The following CNTRL variants were observed in gnomAD, a reference collection of about 807,000 sequenced individuals.
CNTRL encodes the protein centriolin, also known as 110 kDa centrosomal protein.
A neutral mutation model predicts 303.7 loss-of-function variants in CNTRL; 233 were observed. That is an observed-to-expected ratio of 0.77 (90% CI 0.69 to 0.86). The LOEUF is 0.86. Ranked by LOEUF, CNTRL falls within the 40% of genes least tolerant of loss-of-function variation. The pLI is 0.00. For missense variants in CNTRL, 2,524 were observed against 2,650.6 expected, an observed-to-expected ratio of 0.95 and a Z score of 1.05; for synonymous variants, 900 against 922.2, an observed-to-expected ratio of 0.98 and a Z score of 0.44.
intron 2 of CNTRL, among the ~76,000 whole-genome samples, chr9:121,085,755 G>A (rs546295651): frequency 6.6e-6 from 1 of 152,142 alleles, no homozygotes; most frequent in Non-Finnish European, 1.5e-5. Context: ...TTCCCTTTAA[G>A]GAAAGGGAAT....
At chr9:121,145,127 G>C in intron 21 of CNTRL, 117 bp from the exon 22 acceptor site, 1 of 1,279,594 alleles carries the variant, frequency 7.8e-7, no homozygotes, top group Non-Finnish European at 1.1e-6. Context: ...AAGTAATGCA[G>C]TTTCCTCACT....
At chr9:121,136,042 T>G in intron 15 of CNTRL, 60 bp downstream of exon 15, 1 of 1,357,590 alleles carries the variant, frequency 7.4e-7, no homozygotes, top group Non-Finnish European at 1.0e-6. Flanking sequence ...GATATCATCC[T>G]TCTTTTATTT....
At chr9:121,170,848 A>G (rs1020672034) in intron 39 of CNTRL, among the ~76,000 whole-genome samples, 3 of 152,218 alleles carry the variant, frequency 2.0e-5, no homozygotes, top group Non-Finnish European at 2.9e-5. Flanking sequence ...AAAACCAGGA[A>G]GCTCAATCTA....
intron 7 of CNTRL, among the ~76,000 whole-genome samples, chr9:121,105,201 A>G (rs1417259979): frequency 6.6e-6 from 1 of 152,196 alleles, no homozygotes; most frequent in Non-Finnish European, 1.5e-5. Context: ...CCTGGTTAAC[A>G]CTTGGATAGG....
Position 121,127,719 on chromosome 9 carries a change from T to G in CNTRL, c.2025+1783T>G, listed in dbSNP as rs968671390. 2.0e-5 allele frequency among the ~76,000 whole-genome samples: 3 copies of G among 152,076 alleles called. No individual in the cohort carries two copies. The South Asian group carries it at 6.2e-4, about 32-fold the overall frequency. ...TGCAGATTTGTTACATAGGTATACA[T>G]GTTTCACGTTGGTTTGCTGCACCCA... On this transcript the variant is annotated intron_variant, in intron 14 of 43. Transcript: ENST00000373855.
At chr9:121,149,408 G>T (rs147123572) in intron 24 of CNTRL, among the ~76,000 whole-genome samples, 1 of 146,422 alleles carries the variant, frequency 6.8e-6, no homozygotes, top group Non-Finnish European at 1.5e-5. Context: ...TTTGTTTTTT[G>T]TTTTTTTTTT....
intron 14 of CNTRL, among the ~76,000 whole-genome samples, chr9:121,129,326 G>A (rs1325489044): frequency 7.2e-5 from 11 of 152,130 alleles, no homozygotes; most frequent in Non-Finnish European, 1.5e-5. Flanking sequence ...TTGAGCTGTG[G>A]TTTGTAGTTC....
chr9:121,081,032 G>T (rs796885490), intron 2 of CNTRL, among the ~76,000 whole-genome samples: 3 of 152,278 alleles, frequency 2.0e-5, no homozygotes, highest in African/African-American at 7.2e-5. Context: ...ATGATCTAAC[G>T]CTAATAGACT....
intron 16 of CNTRL, among the ~76,000 whole-genome samples, chr9:121,140,214 G>T (rs1280951451): frequency 6.6e-6 from 1 of 152,130 alleles, no homozygotes; most frequent in Non-Finnish European, 1.5e-5. Flanking sequence ...ATATTTTCAG[G>T]TCCAGCATTT....
chr9:121,113,810 T>C (rs1446629817), intron 10 of CNTRL, 86 bp downstream of exon 10: 1 of 784,056 alleles, frequency 1.3e-6, no homozygotes, highest in East Asian at 3.0e-5. Flanking sequence ...AGTCTTTTAA[T>C]TGAACATGTT....
chr9:121,144,288 C>T lies in CNTRL; in HGVS notation c.3051+206C>T, dbSNP rs111300410. Among the ~76,000 whole-genome samples, 428 of 152,270 alleles carry T rather than the reference C, an allele frequency of 2.8e-3. 3 individuals are homozygous for T. Among genetic ancestry groups the T allele is most frequent in the Non-Finnish European group, 4.8e-3 (326 of 68,038 alleles). On this transcript the variant is annotated intron_variant, in intron 20 of 43. Coordinates refer to ENST00000373855, the MANE Select transcript of CNTRL (RefSeq NM_007018.6). Reference sequence around the variant, plus strand: ...GTGCTGCCATGGATACTGCGTTCTACTGAGCCCTGAAAGGAATCATCAAAT... The same window carrying T: ...GTGCTGCCATGGATACTGCGTTCTATTGAGCCCTGAAAGGAATCATCAAAT...
At chr9:121,128,977 T>C (rs1488109692) in intron 14 of CNTRL, among the ~76,000 whole-genome samples, 1 of 152,226 alleles carries the variant, frequency 6.6e-6, no homozygotes, top group Non-Finnish European at 1.5e-5. Flanking sequence ...TTCTGCAGTC[T>C]CTGTTCTGTT....
chr9:121,118,239 TA>T (rs1178654763), intron 11 of CNTRL, 106 bp from the exon 12 acceptor site: 4 of 929,046 alleles, frequency 4.3e-6, no homozygotes, highest in Non-Finnish European at 5.9e-6. Flanking sequence ...CTTTTATTTT[TA>T]AAAAACTGAT....
chr9:121,161,148 GC>G, intron 32 of CNTRL: 1 of 380,650 alleles, frequency 2.6e-6, no homozygotes, highest in African/African-American at 2.1e-5. Flanking sequence ...GTGTGTGTGC[GC>G]GCGTGCTCAC....
In CNTRL at chr9:121,115,087, G is replaced by C. The variant is rs769871349; in HGVS notation, c.1346-4G>C. Reference sequence around the variant, plus strand: ...TTATGTGAGCATGGTTTTTAAATTTGCAGCACAAACTCGACTATCAGAACT... The same window carrying C: ...TTATGTGAGCATGGTTTTTAAATTTCCAGCACAAACTCGACTATCAGAACT... On this transcript the variant is annotated splice_region_variant and splice_polypyrimidine_tract_variant and intron_variant, in intron 10 of 43. Coordinates refer to ENST00000373855, the MANE Select transcript of CNTRL (RefSeq NM_007018.6). 4 of 1,559,242 alleles carry C rather than the reference G, an allele frequency of 2.6e-6. No individual in the cohort carries two copies. The highest frequency in any genetic ancestry group is 3.5e-6 in the Non-Finnish European group (4 of 1,148,540).
chr9:121,157,573 A>C lies in CNTRL; in HGVS notation c.4469A>C (p.Asn1490Thr). ...LERRAQETAV[N>T]LVKADQQLRS... is the part of the protein sequence containing the mutation. Reference sequence around the variant, plus strand: ...AGGAGAGCTCAGGAAACTGCTGTTAACCTCGTCAAAGCTGATCAGCAGCTA... The same window carrying C: ...AGGAGAGCTCAGGAAACTGCTGTTACCCTCGTCAAAGCTGATCAGCAGCTA... Residue 1490 changes from asparagine to threonine, a missense_variant, in exon 28 of 44, where the codon AAC (asparagine) becomes ACC (threonine). Physicochemically the swap from Asn to Thr is moderately conservative, Grantham distance 65 (BLOSUM62 0). Transcript: ENST00000373855. 1 of 1,614,142 alleles carries C rather than the reference A, an allele frequency of 6.2e-7. No homozygotes were observed. The highest frequency in any genetic ancestry group is 1.1e-5 in the South Asian group (1 of 91,074).
chr9:121,141,341 T>G, intron 17 of CNTRL, 40 bp from the exon 18 acceptor site: 1 of 1,490,432 alleles, frequency 6.7e-7, no homozygotes, highest in Non-Finnish European at 9.3e-7. Context: ...CATCAAAAAT[T>G]AAATGTCACA....
At chr9:121,127,128 C>T (rs1453831676) in intron 14 of CNTRL, among the ~76,000 whole-genome samples, 5 of 152,090 alleles carry the variant, frequency 3.3e-5, no homozygotes, top group Non-Finnish European at 7.4e-5. Context: ...CCTATGTTTT[C>T]GAGAATTATG....
At chr9:121,171,265 G>C (rs558925531) in intron 39 of CNTRL, 143 bp from the exon 40 acceptor site, 76 of 833,918 alleles carry the variant, frequency 9.1e-5, no homozygotes, top group Non-Finnish European at 1.4e-4. Flanking sequence ...CCCATGAAAG[G>C]CCGATAGAAT....
Sources: allele counts gnomAD v4.1 joint callset (sites outside exome capture counted in the v4.1 genomes callset), GRCh38; gene constraint gnomAD v4.1.1; transcripts MANE v1.5; gene names NCBI Gene and HGNC (gene_info 2026-07-23, HGNC 2026-07-21).